KCNC2: variants seen among roughly 807,000 people sequenced by gnomAD.
The protein encoded by KCNC2 is voltage-gated potassium channel KCNC2.
KCNC2 carries 21 observed loss-of-function variants against 44.5 expected under a neutral mutation model. The observed-to-expected ratio is 0.47, with a 90% confidence interval of 0.33 to 0.68. The LOEUF (loss-of-function observed/expected upper bound fraction) is 0.68, where lower values mean the gene tolerates loss of function less well. KCNC2 is among the 30% of genes least tolerant of loss of function. The probability of loss-of-function intolerance (pLI) is 0.01; values close to 1 mark genes in which losing one functional copy is unlikely to be tolerated. For synonymous variants in KCNC2, 391 were observed against 339.1 expected, an observed-to-expected ratio of 1.15 and a Z score of -1.68; for missense variants, 589 against 826.2, an observed-to-expected ratio of 0.71 and a Z score of 3.52.
At position 75,041,049 on chromosome 12, in the gene KCNC2, G is replaced by T; in HGVS notation, c.*2056C>A. 1 of 1,421,396 alleles carries T rather than the reference G, an allele frequency of 7.0e-7. No homozygotes were observed. The highest frequency in any genetic ancestry group is 9.8e-7 in the Non-Finnish European group (1 of 1,020,174). The allele number at this position is 1,421,396 out of a possible 1,614,324, so 88.0% of individuals were successfully genotyped here. On this transcript the variant is annotated 3_prime_UTR_variant, in exon 5 of 5. Coordinates refer to ENST00000549446, the MANE Select transcript of KCNC2 (RefSeq NM_139137.4). ...GCCGCAGTTCTTTTATAAGCTTTAA[G>T]TGCCTCATGAAGACGCGAGGATCTC...
At chr12:75,080,563 G>A (rs541476568) in intron 2 of KCNC2, among the ~76,000 whole-genome samples, 10 of 152,248 alleles carry the variant, frequency 6.6e-5, no homozygotes, top group Non-Finnish European at 1.2e-4. Context: ...AAAAAATAAT[G>A]TCTCTGTAGC....
chr12:75,089,801 TC>T (rs1885321550), intron 2 of KCNC2, among the ~76,000 whole-genome samples: 1 of 151,812 alleles, frequency 6.6e-6, no homozygotes, highest in Admixed American at 6.6e-5. Flanking sequence ...TAATTAAAAT[TC>T]AATAAAATTT....
chr12:75,060,220 A>T (rs1565818657), intron 2 of KCNC2, among the ~76,000 whole-genome samples: 1 of 152,030 alleles, frequency 6.6e-6, no homozygotes, highest in Non-Finnish European at 1.5e-5. Context: ...TTTCTTCCCC[A>T]ACACCTTCAT....
intron 2 of KCNC2, among the ~76,000 whole-genome samples, chr12:75,117,068 G>A (rs1887710899): frequency 1.3e-5 from 2 of 149,332 alleles, no homozygotes; most frequent in South Asian, 4.2e-4. Flanking sequence ...ACCAGTAATT[G>A]GGCTTTCTTG....
chr12:75,180,089 T>C (rs1283812703), intron 2 of KCNC2, among the ~76,000 whole-genome samples: 1 of 151,980 alleles, frequency 6.6e-6, no homozygotes, highest in Non-Finnish European at 1.5e-5. Context: ...ATTGTCAACA[T>C]AGTAATTTTA....
chr12:75,133,410 A>G (rs1888993862), intron 2 of KCNC2, among the ~76,000 whole-genome samples: 4 of 151,836 alleles, frequency 2.6e-5, no homozygotes, highest in Non-Finnish European at 5.9e-5. Context: ...ACTATTATGT[A>G]TCCATAAAAA....
chr12:75,118,189 G>A (rs1469972143), intron 2 of KCNC2, among the ~76,000 whole-genome samples: 1 of 152,062 alleles, frequency 6.6e-6, no homozygotes, highest in African/African-American at 2.4e-5. Context: ...GAGAGTATAA[G>A]TGACTTAATT....
intron 2 of KCNC2, among the ~76,000 whole-genome samples, chr12:75,185,951 C>G (rs1041572568): frequency 6.6e-6 from 1 of 151,760 alleles, no homozygotes; most frequent in African/African-American, 2.4e-5. Flanking sequence ...GAGGCTGAGA[C>G]AAGAGACTCA....
At chr12:75,094,052 C>T (rs1191755363) in intron 2 of KCNC2, among the ~76,000 whole-genome samples, 1 of 151,618 alleles carries the variant, frequency 6.6e-6, no homozygotes, top group Non-Finnish European at 1.5e-5. Context: ...AACTAAAAGG[C>T]AAATTCTTGC....
intron 2 of KCNC2, among the ~76,000 whole-genome samples, chr12:75,192,067 C>T (rs1379715819): frequency 6.6e-6 from 1 of 152,164 alleles, no homozygotes; most frequent in Non-Finnish European, 1.5e-5. Flanking sequence ...TTCAGTTTTA[C>T]ATGTAATAGT....
intron 3 of KCNC2, among the ~76,000 whole-genome samples, chr12:75,049,384 T>C (rs988866476): frequency 6.6e-6 from 1 of 152,084 alleles, no homozygotes; most frequent in Non-Finnish European, 1.5e-5. Context: ...AAAAATGAAA[T>C]GAAATTTATC....
chr12:75,202,524 A>G (rs2031368224), intron 2 of KCNC2, among the ~76,000 whole-genome samples: 1 of 151,824 alleles, frequency 6.6e-6, no homozygotes, highest in Non-Finnish European at 1.5e-5. Flanking sequence ...AAGTTTGGGT[A>G]TGCATTGTCA....
chr12:75,122,760 A>G (rs1217056996), intron 2 of KCNC2, among the ~76,000 whole-genome samples: 2 of 152,142 alleles, frequency 1.3e-5, no homozygotes, highest in Admixed American at 6.6e-5. Context: ...CTAAGGCTGT[A>G]TATTGAAACA....
At chr12:75,157,102 A>C (rs561955236) in intron 2 of KCNC2, among the ~76,000 whole-genome samples, 1 of 152,034 alleles carries the variant, frequency 6.6e-6, no homozygotes, top group South Asian at 2.1e-4. Context: ...CTGACAGAAC[A>C]TCAGTTTTGT....
intron 2 of KCNC2, among the ~76,000 whole-genome samples, chr12:75,059,037 C>G (rs570860270): frequency 1.3e-5 from 2 of 152,128 alleles, no homozygotes; most frequent in East Asian, 3.9e-4. Context: ...ACTAGAGTCT[C>G]CCTTCCTCCT....
chr12:75,087,497 T>C (rs1885124132), intron 2 of KCNC2, among the ~76,000 whole-genome samples: 1 of 152,124 alleles, frequency 6.6e-6, no homozygotes, highest in Admixed American at 6.6e-5. Context: ...CTAATAATCT[T>C]GTAAAGACAG....
chr12:75,044,546 T>C (rs934022694), intron 4 of KCNC2: 4 of 151,998 alleles, frequency 2.6e-5, no homozygotes, highest in Admixed American at 2.6e-4. Context: ...TTTCCTCTTT[T>C]CATTGGAAGA....
Position 75,042,040 on chromosome 12 carries a change from C to T in KCNC2, c.*1065G>A. 1 of 1,142,810 alleles carries T rather than the reference C, an allele frequency of 8.8e-7. No individual in the cohort carries two copies. Among genetic ancestry groups the T allele is most frequent in the Non-Finnish European group, 1.1e-6 (1 of 932,622 alleles). The allele number at this position is 1,142,810 out of a possible 1,614,324, so 70.8% of individuals were successfully genotyped here. Reference sequence around the variant, plus strand: ...TGAAAATCTGATTAATCTTTTGACTCAGGAATTTAAGGCTAGTCAAAAAAG... The same window carrying T: ...TGAAAATCTGATTAATCTTTTGACTTAGGAATTTAAGGCTAGTCAAAAAAG... On this transcript the variant is annotated 3_prime_UTR_variant, in exon 5 of 5. Coordinates refer to ENST00000549446, the MANE Select transcript of KCNC2 (RefSeq NM_139137.4).
At chr12:75,043,750 C>T in intron 4 of KCNC2, 2 of 1,505,844 alleles carry the variant, frequency 1.3e-6, no homozygotes, top group Non-Finnish European at 1.8e-6. Flanking sequence ...AAAGATGATT[C>T]TTAAATAATG....
Sources: gnomAD v4.1 joint callset for allele counts (sites outside exome capture counted in the v4.1 genomes callset) on GRCh38, gnomAD v4.1.1 for gene constraint, MANE v1.5 for transcripts, NCBI Gene and HGNC (gene_info 2026-07-23, HGNC 2026-07-21) for gene names.